ARHGAP18: variants seen among roughly 807,000 people sequenced by gnomAD.
The protein encoded by ARHGAP18 is Rho GTPase activating protein 18, also known as rho GTPase-activating protein 18.
A neutral mutation model predicts 86.2 loss-of-function variants in ARHGAP18; 67 were observed. The ratio of observed to expected loss-of-function variants is 0.78; its 90% CI spans 0.64 to 0.95. ARHGAP18 has a LOEUF of 0.95. Ranked by LOEUF, ARHGAP18 falls within the 40% of genes least tolerant of loss-of-function variation. ARHGAP18 has a pLI of 0.00. For synonymous variants in ARHGAP18, 283 were observed against 280.4 expected (o/e 1.01, Z -0.09); for missense variants, 691 against 780.4 (o/e 0.89, Z 1.37).
Position 129,580,135 on chromosome 6 carries a change from T to A in ARHGAP18, c.1839-4A>T, listed in dbSNP as rs771449468. 3.7e-6 allele frequency: 6 copies of A among 1,612,970 alleles called. No homozygotes were observed. Among genetic ancestry groups the A allele is most frequent in the Non-Finnish European group, 5.1e-6 (6 of 1,179,302 alleles). ...CTTGAGAGTCTGGGCAACCCCACTA[T>A]GAGGGACAAAACAAACCGATTAGTT... On this transcript the variant is annotated splice_region_variant and splice_polypyrimidine_tract_variant and intron_variant, in intron 13 of 14. Coordinates refer to ENST00000368149, the MANE Select transcript of ARHGAP18 (RefSeq NM_033515.3).
At chr6:129,675,527 C>T (rs1337539502) in intron 1 of ARHGAP18, among the ~76,000 whole-genome samples, 1 of 152,116 alleles carries the variant, frequency 6.6e-6, no homozygotes, top group Non-Finnish European at 1.5e-5. Flanking sequence ...ATTCCATTAT[C>T]TGGCAATGTC....
intron 10 of ARHGAP18, among the ~76,000 whole-genome samples, chr6:129,605,234 T>C (rs1027668838): frequency 2.6e-5 from 4 of 152,168 alleles, no homozygotes; most frequent in African/African-American, 7.2e-5. Flanking sequence ...CAATCCCTGA[T>C]TATAAGAGCT....
chr6:129,620,839 TAGTAATG>T (rs1789212784), intron 5 of ARHGAP18, among the ~76,000 whole-genome samples: 1 of 152,218 alleles, frequency 6.6e-6, no homozygotes, highest in African/African-American at 2.4e-5. Flanking sequence ...TTTTAATAAT[TAGTAATG>T]AGGCATTATT....
chr6:129,678,141 A>C (rs984153707), intron 1 of ARHGAP18, among the ~76,000 whole-genome samples: 1 of 152,232 alleles, frequency 6.6e-6, no homozygotes, highest in Non-Finnish European at 1.5e-5. Context: ...GGAAGGTGCA[A>C]ACTTCAAGTG....
Position 129,639,465 on chromosome 6 carries a change from A to T in ARHGAP18, c.317-836T>A, listed in dbSNP as rs1036410358. 9.8e-5 allele frequency among the ~76,000 whole-genome samples: 15 copies of T among 152,296 alleles called. No homozygotes were observed. In the Middle Eastern group the frequency reaches 0.014, roughly 138 times the overall value. Reference sequence around the variant, plus strand: ...ATAGCCAAGTCTCTTTGGAAAAGTCACTTAGCCTCAAGTTGACTCTGTTTT... The same window carrying T: ...ATAGCCAAGTCTCTTTGGAAAAGTCTCTTAGCCTCAAGTTGACTCTGTTTT... On this transcript the variant is annotated intron_variant, in intron 2 of 14. Transcript: ENST00000368149.
rs1788720883 is a variant in ARHGAP18 at position 129,600,745 on chromosome 6, T to G, written c.1469A>C (p.His490Pro). The G allele has an allele frequency of 6.2e-7, 1 of 1,613,664 alleles. No homozygotes were observed. Among genetic ancestry groups the G allele is most frequent in the African/African-American group, 1.3e-5 (1 of 74,902 alleles). Residue 490 changes from histidine to proline, a missense_variant, in exon 11 of 15, where the codon CAT (histidine) becomes CCT (proline). By Grantham distance (77) the His-to-Pro change is moderately conservative. Transcript: ENST00000368149. The stretch of plus-strand genomic sequence containing the variant: ...TTCACTGGACTTCAATCCCAATGCA[T>G]GACACATAAAGAGATTCGGGGCCAT... ...MVMAPNLFMC[H>P]ALGLKSSEQR... is the part of the protein sequence containing the mutation.
rs567537806 is a variant in ARHGAP18, at chr6:129,616,128, A to G, written c.1044+84T>C. On this transcript the variant is annotated intron_variant, in intron 7 of 14. Transcript: ENST00000368149. ...AAACATGACAGTATATGAATTGGAA[A>G]ACTGTATTATAATAATATGAATACA... 1.8e-5 allele frequency: 20 copies of G among 1,088,374 alleles called. No individual in the cohort carries two copies. In the African/African-American group the frequency reaches 2.8e-4, roughly 15 times the overall value. The allele number at this position is 1,088,374 out of a possible 1,614,324, so 67.4% of individuals were successfully genotyped here. A position where few individuals can be genotyped will look rare whatever the true frequency, so the allele number is the denominator to read the frequency against.
chr6:129,605,669 T>TA lies in ARHGAP18; in HGVS notation c.1365+207dup, dbSNP rs972901324. Among the ~76,000 whole-genome samples, 27 of 151,872 alleles carry TA rather than the reference T, an allele frequency of 1.8e-4. No homozygotes were observed. The East Asian group carries it at 4.1e-3, about 23-fold the overall frequency. On this transcript the variant is annotated intron_variant, in intron 10 of 14. Coordinates refer to ENST00000368149, the MANE Select transcript of ARHGAP18 (RefSeq NM_033515.3). ...GAAGAAGAAATGTTACAGTGAAAAT[T>TA]AAAAAAAACAAAAACTTAATAACAT...
intron 9 of ARHGAP18, 117 bp from the exon 10 acceptor site, chr6:129,606,076 G>A: frequency 1.1e-6 from 1 of 887,664 alleles, no homozygotes. Flanking sequence ...TAAAATGTAA[G>A]ACACAACGAC....
intron 6 of ARHGAP18, among the ~76,000 whole-genome samples, chr6:129,618,398 T>C (rs1016749174): frequency 7.9e-5 from 12 of 152,200 alleles, no homozygotes; most frequent in African/African-American, 2.4e-4. Context: ...TTTAAATATA[T>C]AGTTTTTAAA....
intron 5 of ARHGAP18, among the ~76,000 whole-genome samples, chr6:129,627,168 A>G (rs933250588): frequency 6.6e-6 from 1 of 152,164 alleles, no homozygotes; most frequent in African/African-American, 2.4e-5. Flanking sequence ...ATATTTTACA[A>G]AGCAAATTAA....
chr6:129,661,256 C>T (rs9492355), intron 1 of ARHGAP18, among the ~76,000 whole-genome samples: 5 of 137,468 alleles, frequency 3.6e-5, no homozygotes, highest in Non-Finnish European at 3.0e-5. Context: ...GGGAAGCTGA[C>T]GCAGGAAGAT....
intron 12 of ARHGAP18, among the ~76,000 whole-genome samples, chr6:129,588,363 G>T (rs942997323): frequency 6.6e-6 from 1 of 152,154 alleles, no homozygotes; most frequent in South Asian, 2.1e-4. Flanking sequence ...TGATCCACCC[G>T]CCTTGGCCTC....
chr6:129,660,682 T>G (rs774184943), intron 1 of ARHGAP18, among the ~76,000 whole-genome samples: 9 of 152,122 alleles, frequency 5.9e-5, no homozygotes, highest in Non-Finnish European at 1.0e-4. Context: ...ATCTGCATTT[T>G]AACAAAATCC....
At chr6:129,615,956 T>G (rs1295551859) in intron 7 of ARHGAP18, among the ~76,000 whole-genome samples, 1 of 152,170 alleles carries the variant, frequency 6.6e-6, no homozygotes, top group Non-Finnish European at 1.5e-5. Context: ...AATTGAAATC[T>G]CAATTATACA....
intron 1 of ARHGAP18, among the ~76,000 whole-genome samples, chr6:129,660,604 C>A (rs1466876920): frequency 1.3e-5 from 2 of 152,126 alleles, no homozygotes; most frequent in Non-Finnish European, 2.9e-5. Context: ...CACGGACCAG[C>A]GGCACCAGGC....
In ARHGAP18 at chr6:129,580,059, A is replaced by G. The variant is rs201029428; in HGVS notation, c.1900+11T>C. 270 of 1,606,390 alleles carry G rather than the reference A, an allele frequency of 1.7e-4. No individual in the cohort carries two copies. The highest frequency in any genetic ancestry group is 2.7e-5 in the Non-Finnish European group (32 of 1,173,628). On this transcript the variant is annotated intron_variant, in intron 14 of 14. Transcript: ENST00000368149. ...AGCATATAAAATGTAAAGAGAAAAA[A>G]AAGTGCTTACCAATATTTCCTCCAA...
intron 5 of ARHGAP18, among the ~76,000 whole-genome samples, chr6:129,626,830 T>C (rs760263062): frequency 6.6e-6 from 1 of 152,108 alleles, no homozygotes; most frequent in Non-Finnish European, 1.5e-5. Flanking sequence ...TTATGTGATA[T>C]TCTAAATATA....
chr6:129,642,377 TG>T (rs1465185337), intron 1 of ARHGAP18, among the ~76,000 whole-genome samples: 39 of 152,172 alleles, frequency 2.6e-4, no homozygotes, highest in African/African-American at 8.4e-4. Flanking sequence ...TCCAAATTAC[TG>T]GGCTCAAGTG....
Sources: gnomAD v4.1 joint callset for allele counts (sites outside exome capture counted in the v4.1 genomes callset) on GRCh38, gnomAD v4.1.1 for gene constraint, MANE v1.5 for transcripts, NCBI Gene and HGNC (gene_info 2026-07-23, HGNC 2026-07-21) for gene names.